SOS2: variants seen among roughly 807,000 people sequenced by gnomAD.
SOS2 encodes the protein SOS Ras/Rho guanine nucleotide exchange factor 2, also known as son of sevenless homolog 2.
In SOS2, 65 loss-of-function variants were observed where a neutral mutation model predicts 148.2. The ratio of observed to expected loss-of-function variants is 0.44; its 90% confidence interval spans 0.36 to 0.54. The LOEUF is 0.54. Among genes scored for constraint, SOS2 ranks in the 20% least tolerant of loss-of-function variants. The pLI is 0.00. For missense variants in SOS2, 1,341 were observed against 1,590.2 expected, an observed-to-expected ratio of 0.84 and a Z score of 2.67; for synonymous variants, 539 against 537.1, an observed-to-expected ratio of 1.00 and a Z score of -0.05.
rs533481246 is a variant in SOS2, at chr14:50,174,134, G to A, written c.1068+320C>T. On this transcript the variant is annotated intron_variant, in intron 8 of 22. Coordinates refer to ENST00000216373, the MANE Select transcript of SOS2 (RefSeq NM_006939.4). ...CAAACCCTCTTAGCCAATGTGACCA[G>A]GACTAGTGGTTGGCTAGTTAATTAA... 1.4e-4 allele frequency among the ~76,000 whole-genome samples: 22 copies of A among 152,190 alleles called. No homozygotes were observed. In the South Asian group the frequency reaches 4.6e-3, roughly 32 times the overall value.
intron 5 of SOS2, among the ~76,000 whole-genome samples, chr14:50,185,585 G>C (rs1013625083): frequency 2.6e-5 from 4 of 151,700 alleles, no homozygotes; most frequent in Non-Finnish European, 5.9e-5. Context: ...CTAGCTACTC[G>C]GGAGGCTGAG....
At chr14:50,150,847 T>G (rs2139597719) in intron 13 of SOS2, among the ~76,000 whole-genome samples, 2 of 152,184 alleles carry the variant, frequency 1.3e-5, no homozygotes, top group East Asian at 3.9e-4. Flanking sequence ...CTCAGCCTCC[T>G]GAGTAGCTAG....
chr14:50,158,354 T>C (rs1884883387), intron 11 of SOS2, among the ~76,000 whole-genome samples: 1 of 152,192 alleles, frequency 6.6e-6, no homozygotes, highest in Admixed American at 6.5e-5. Flanking sequence ...TGATTACCAC[T>C]TGAAATATTT....
At chr14:50,166,597 C>A (rs1266650163) in intron 8 of SOS2, among the ~76,000 whole-genome samples, 5 of 152,130 alleles carry the variant, frequency 3.3e-5, no homozygotes, top group African/African-American at 1.2e-4. Context: ...CATCATTATC[C>A]TTAGTTGTCT....
intron 2 of SOS2, among the ~76,000 whole-genome samples, chr14:50,204,076 A>C (rs953410407): frequency 5.3e-5 from 8 of 150,924 alleles, no homozygotes; most frequent in African/African-American, 1.7e-4. Context: ...TCATAAATGT[A>C]CCCAGTTGTT....
chr14:50,225,183 G>A (rs1887331730), intron 1 of SOS2, among the ~76,000 whole-genome samples: 1 of 152,034 alleles, frequency 6.6e-6, no homozygotes, highest in African/African-American at 2.4e-5. Context: ...TTGAACTCCT[G>A]GCCTCAAGCA....
Position 50,139,931 on chromosome 14 carries a change from T to C in SOS2, c.2785+11A>G. On this transcript the variant is annotated intron_variant, in intron 17 of 22. Coordinates refer to ENST00000216373, the MANE Select transcript of SOS2 (RefSeq NM_006939.4). The stretch of plus-strand genomic sequence containing the variant: ...CTCACCCTCAAAATATATCCATATT[T>C]AGTAACTTACCAAAAAAAGGCACAC... 7.6e-7 allele frequency: 1 copy of C among 1,319,396 alleles called. No individual in the cohort carries two copies. Among genetic ancestry groups the C allele is most frequent in the Non-Finnish European group, 1.1e-6 (1 of 912,902 alleles). 81.7% of individuals were successfully genotyped at this position (1,319,396 alleles called of 1,614,324 possible). A position where few individuals can be genotyped will look rare whatever the true frequency, so the allele number is the denominator to read the frequency against.
intron 1 of SOS2, among the ~76,000 whole-genome samples, chr14:50,227,872 G>C (rs184597278): frequency 1.4e-4 from 21 of 152,198 alleles, no homozygotes; most frequent in Non-Finnish European, 2.2e-4. Flanking sequence ...CATGGATATA[G>C]ACATAGATAT....
At chr14:50,172,569 T>C (rs1468910047) in intron 8 of SOS2, among the ~76,000 whole-genome samples, 2 of 151,930 alleles carry the variant, frequency 1.3e-5, no homozygotes, top group Non-Finnish European at 2.9e-5. Flanking sequence ...GATTTTGCCA[T>C]GTTGGCCAGA....
At position 50,159,927 on chromosome 14, in the gene SOS2, A is replaced by G. The variant is rs746956553; in HGVS notation, c.1356T>C (p.Gly452=). The change falls in exon 10 of 23, where the codon GGT becomes GGC. Residue 452 remains glycine, a synonymous_variant. Transcript: ENST00000216373. ...FIMEGPLTRI[G]AKHERHIFLF... The stretch of plus-strand genomic sequence containing the variant: ...GAAAAATATGCCGTTCATGTTTGGC[A>G]CCGATTCTTGTCAATGGTCCCTCCA... 9.9e-6 allele frequency: 16 copies of G among 1,614,018 alleles called. No homozygotes were observed. Among genetic ancestry groups the G allele is most frequent in the Middle Eastern group, 1.6e-4 (1 of 6,084 alleles).
chr14:50,184,062 CAT>C (rs1885832600), intron 5 of SOS2, among the ~76,000 whole-genome samples: 1 of 152,164 alleles, frequency 6.6e-6, no homozygotes, highest in East Asian at 1.9e-4. Flanking sequence ...TGTATCTAAA[CAT>C]ATCTATATAG....
intron 10 of SOS2, 96 bp from the exon 11 acceptor site, chr14:50,158,742 T>C (rs1884897193): frequency 1.8e-5 from 14 of 760,426 alleles, no homozygotes; most frequent in Middle Eastern, 2.5e-4. Flanking sequence ...CCTTTTTCTT[T>C]TTACTTTGGC....
chr14:50,230,849 G>A, intron 1 of SOS2: 5 of 998,210 alleles, frequency 5.0e-6, no homozygotes, highest in Non-Finnish European at 6.0e-6. Context: ...GCCTGAAAAT[G>A]TGCTTTTGTT....
rs1264055007 is a variant in SOS2 at position 50,130,665 on chromosome 14, G to C, written c.3173C>G (p.Pro1058Arg). The C allele has an allele frequency of 5.6e-6, 9 of 1,614,116 alleles. No homozygotes were observed. The highest frequency in any genetic ancestry group is 6.8e-6 in the Non-Finnish European group (8 of 1,179,974). The part of the protein sequence containing the change: ...TSGTLRGHPT[P>R]LEREPCKISF... ...TATTTTACATGGTTCTCTTTCTAAT[G>C]GTGTTGGGTGACCTCGTAAAGTACC... The change falls in exon 20 of 23, where the codon CCA becomes CGA. Residue 1058 changes from proline (P) to arginine (R), a missense_variant. Coordinates refer to ENST00000216373, the MANE Select transcript of SOS2 (RefSeq NM_006939.4).
chr14:50,144,856 C>T (rs1350628031), intron 16 of SOS2, among the ~76,000 whole-genome samples: 1 of 152,062 alleles, frequency 6.6e-6, no homozygotes, highest in Non-Finnish European at 1.5e-5. Flanking sequence ...GACTATCAAT[C>T]AATGTGTTAT....
At chr14:50,122,585 C>T (rs1420259978) in intron 21 of SOS2, among the ~76,000 whole-genome samples, 1 of 151,910 alleles carries the variant, frequency 6.6e-6, no homozygotes, top group Non-Finnish European at 1.5e-5. Context: ...CAGACACGCA[C>T]ACTCATGGAA....
At chr14:50,153,242 T>C in intron 12 of SOS2, 69 bp from the exon 13 acceptor site, 3 of 828,064 alleles carry the variant, frequency 3.6e-6, no homozygotes, top group African/African-American at 1.7e-5. Flanking sequence ...CCTTCTCTAA[T>C]GCCACGATAA....
chr14:50,158,492 T>TA, intron 11 of SOS2, 73 bp downstream of exon 11: 1 of 834,574 alleles, frequency 1.2e-6, no homozygotes. Flanking sequence ...ATTTATTAGG[T>TA]ACTAGGCACT....
At chr14:50,207,070 C>T (rs1477626988) in intron 1 of SOS2, among the ~76,000 whole-genome samples, 1 of 152,160 alleles carries the variant, frequency 6.6e-6, no homozygotes, top group Admixed American at 6.5e-5. Flanking sequence ...TATGGGTCTA[C>T]CTGGCTTCAT....
Sources: gnomAD v4.1 joint callset for allele counts (sites outside exome capture counted in the v4.1 genomes callset) on GRCh38, gnomAD v4.1.1 for gene constraint, MANE v1.5 for transcripts, NCBI Gene and HGNC (gene_info 2026-07-23, HGNC 2026-07-21) for gene names.